The following NOM1 variants were observed in gnomAD, a reference collection of about 807,000 sequenced individuals.
NOM1 encodes nucleolar protein with MIF4G domain 1, also known as nucleolar MIF4G domain-containing protein 1.
Under a neutral mutation model 73.3 loss-of-function variants are expected in NOM1, and 58 were observed. The observed-to-expected ratio is 0.79, with a 90% CI of 0.64 to 0.99. The LOEUF (loss-of-function observed/expected upper bound fraction) is 0.99, where lower values mean the gene tolerates loss of function less well. Among genes scored for constraint, NOM1 ranks in the 50% least tolerant of loss-of-function variants. The pLI is 0.00. For missense variants in NOM1, 1,226 were observed against 1,131.9 expected, an observed-to-expected ratio of 1.08 and a Z score of -1.19; for synonymous variants, 487 against 446.8, an observed-to-expected ratio of 1.09 and a Z score of -1.14.
chr7:156,958,714 A>G (rs1461208315), intron 3 of NOM1: 1 of 152,302 alleles, frequency 6.6e-6, no homozygotes, highest in Non-Finnish European at 1.5e-5. Context: ...GTACCAGAAC[A>G]GCACAAGGAG....
intron 7 of NOM1, among the ~76,000 whole-genome samples, chr7:156,964,896 A>G (rs1804957207): frequency 6.6e-6 from 1 of 152,158 alleles, no homozygotes; most frequent in Non-Finnish European, 1.5e-5. Flanking sequence ...CAGCGGGTCT[A>G]GCTTATCCTT....
At chr7:156,957,166 C>T (rs1465345004) in intron 3 of NOM1, among the ~76,000 whole-genome samples, 2 of 152,154 alleles carry the variant, frequency 1.3e-5, no homozygotes, top group Admixed American at 6.5e-5. Flanking sequence ...CTTCTGCCAG[C>T]GTGTGATGAG....
In NOM1 at chr7:156,954,222, C is replaced by T. The variant is rs1175987804; in HGVS notation, c.1232C>T (p.Ala411Val). The part of the protein sequence containing the change: ...TSALMGACVT[A>V]SAMPSRLMME... The stretch of plus-strand genomic sequence containing the variant: ...GCTCTCATGGGTGCCTGCGTCACTG[C>T]CTCGGCCATGCCCAGCAGACTGATG... The change falls in exon 3 of 11, where the codon GCC (alanine) becomes GTC (valine). Residue 411 changes from alanine (A) to valine (V), a missense_variant. By Grantham distance (64) the Ala-to-Val change is moderately conservative (BLOSUM62 0). Coordinates refer to ENST00000275820, the MANE Select transcript of NOM1 (RefSeq NM_138400.2). 6.2e-7 allele frequency: 1 copy of T among 1,613,746 alleles called. No individual in the cohort carries two copies.
In NOM1 at chr7:156,962,238, C is replaced by G; in HGVS notation, c.1720C>G (p.Leu574Val). The G allele has an allele frequency of 6.2e-7, 1 of 1,614,022 alleles. No homozygotes were observed. The change falls in exon 5 of 11, where the codon CTG (leucine) becomes GTG (valine). Residue 574 changes from leucine (L) to valine (V), a missense_variant. Coordinates refer to ENST00000275820, the MANE Select transcript of NOM1 (RefSeq NM_138400.2). ...CTATGACCCCGAGCCCGTGGAGAAG[C>G]TGAGGAAACTGCAGAGAGCTTTGGT... ...PGYDPEPVEK[L>V]RKLQRALVRN...
intron 4 of NOM1, among the ~76,000 whole-genome samples, chr7:156,961,718 A>C (rs974340280): frequency 6.6e-6 from 1 of 152,180 alleles, no homozygotes; most frequent in Non-Finnish European, 1.5e-5. Context: ...CTGTTCTTGC[A>C]ACTTTTCTGT....
At chr7:156,952,335 G>C (rs1315319104) in intron 1 of NOM1, 139 bp from the exon 2 acceptor site, 1 of 848,810 alleles carries the variant, frequency 1.2e-6, no homozygotes, top group Non-Finnish European at 1.8e-6. Flanking sequence ...CAATAAATCT[G>C]ATGTATTTAA....
intron 2 of NOM1, among the ~76,000 whole-genome samples, chr7:156,953,152 T>C (rs1804634909): frequency 6.6e-6 from 1 of 152,144 alleles, no homozygotes; most frequent in Admixed American, 6.5e-5. Flanking sequence ...GATGGAGTTT[T>C]TGCTCTTGCT....
chr7:156,958,943 A>G (rs947810700), intron 3 of NOM1: 1 of 152,228 alleles, frequency 6.6e-6, no homozygotes, highest in African/African-American at 2.4e-5. Context: ...GAGCCCTTCC[A>G]GAGATTATTA....
chr7:156,963,056 G>T lies in NOM1; in HGVS notation c.1792G>T (p.Asp598Tyr), dbSNP rs2134790442. 1.2e-6 allele frequency: 2 copies of T among 1,614,220 alleles called. No homozygotes were observed. Among genetic ancestry groups the T allele is most frequent in the Admixed American group, 1.7e-5 (1 of 60,032 alleles). Residue 598 changes from aspartate to tyrosine, a missense_variant, in exon 6 of 11, where the codon GAC (aspartate) becomes TAC (tyrosine). Transcript: ENST00000275820. ...GSETQLRVSW[D>Y]SVLSAEQTGR... ...TGAGACGCAGCTTCGCGTCTCCTGG[G>T]ACAGTGTCTTGAGTGCGGAGCAGAC...
chr7:156,957,285 A>C (rs977178561), intron 3 of NOM1, among the ~76,000 whole-genome samples: 1 of 152,194 alleles, frequency 6.6e-6, no homozygotes, highest in African/African-American at 2.4e-5. Context: ...AAGTCCTTTA[A>C]AACTCAAAAA....
rs1379819690 is a variant in NOM1 at position 156,969,195 on chromosome 7, A to T, written c.2407A>T (p.Arg803Ter). 4 of 1,427,456 alleles carry T rather than the reference A, an allele frequency of 2.8e-6. No individual in the cohort carries two copies. The highest frequency in any genetic ancestry group is 1.7e-5 in the Admixed American group (1 of 59,740). 88.4% of individuals were successfully genotyped at this position (1,427,456 alleles called of 1,614,324 possible). Residue 803 changes from arginine to a stop codon, truncating the protein, a stop_gained and splice_region_variant, in exon 10 of 11, where the codon AGA becomes TGA. Coordinates refer to ENST00000275820, the MANE Select transcript of NOM1 (RefSeq NM_138400.2). LOFTEE classifies it low-confidence loss of function (END_TRUNC). ...EVEDLSLIFT[R>*]VSDNPKLGVL... The stretch of plus-strand genomic sequence containing the variant: ...TGAAGACCTCAGTTTAATTTTCACA[A>T]GGTATGTGCCCCACCCTTTCCGACG...
Position 156,963,807 on chromosome 7 carries a change from C to T in NOM1, c.1912-98C>T, listed in dbSNP as rs1804928826. 4.2e-6 allele frequency: 6 copies of T among 1,420,302 alleles called. No individual in the cohort carries two copies. In the South Asian group the frequency reaches 5.5e-5, roughly 13 times the overall value. 88.0% of individuals were successfully genotyped at this position (1,420,302 alleles called of 1,614,324 possible). ...GTGCCATCCGCCCACGTAGACCTCA[C>T]AGTTCTATTCAGTGACACTGAAGTA... On this transcript the variant is annotated intron_variant, in intron 6 of 10. Coordinates refer to ENST00000275820, the MANE Select transcript of NOM1 (RefSeq NM_138400.2).
rs1804618977 is a variant in NOM1 at position 156,952,491 on chromosome 7, TG to T, written c.1006del (p.Glu336LysfsTer8). Reference sequence around the variant, plus strand: ...TCAAGCAGAGTCTTTGTGGAAGTGGTGAAAAGTACATCCCACCTCATGTGAG... The same window carrying T: ...TCAAGCAGAGTCTTTGTGGAAGTGGTAAAAGTACATCCCACCTCATGTGAG... ...ITDKSLCGSG[E>X]KYIPPHVRQA... On this transcript the variant is annotated frameshift_variant, in exon 2 of 11. Coordinates refer to ENST00000275820, the MANE Select transcript of NOM1 (RefSeq NM_138400.2). LOFTEE classifies it high-confidence loss of function. 6.2e-7 allele frequency: 1 copy of T among 1,612,388 alleles called. No homozygotes were observed. The highest frequency in any genetic ancestry group is 8.5e-7 in the Non-Finnish European group (1 of 1,179,622).
rs1805101465 is a variant in NOM1, at chr7:156,969,909, A to ATTC, written c.*206_*207insTTC. The ATTC allele has an allele frequency of 2.3e-6, 1 of 438,462 alleles. No homozygotes were observed. Among genetic ancestry groups the ATTC allele is most frequent in the South Asian group, 3.8e-5 (1 of 26,312 alleles). The allele number at this position is 438,462 out of a possible 1,614,324, so 27.2% of individuals were successfully genotyped here. A position where few individuals can be genotyped will look rare whatever the true frequency, so the allele number is the denominator to read the frequency against. Reference sequence around the variant, plus strand: ...AAATAACTATCTTGGGGGTGAGAGGAGAAGGAGGGAGGGAAAAGGGGTCAG... The same window carrying ATTC: ...AAATAACTATCTTGGGGGTGAGAGGATTCGAAGGAGGGAGGGAAAAGGGGTCAG... On this transcript the variant is annotated 3_prime_UTR_variant, in exon 11 of 11. Transcript: ENST00000275820.
intron 2 of NOM1, among the ~76,000 whole-genome samples, chr7:156,953,347 C>T (rs1027550634): frequency 2.6e-5 from 4 of 152,128 alleles, no homozygotes; most frequent in Admixed American, 6.6e-5. Flanking sequence ...AGGCTGGTCT[C>T]AAACTCCCGA....
intron 2 of NOM1, among the ~76,000 whole-genome samples, chr7:156,953,185 G>A (rs1804635947): frequency 6.6e-6 from 1 of 152,110 alleles, no homozygotes; most frequent in Non-Finnish European, 1.5e-5. Context: ...GTGCAATGGC[G>A]CTATCTCGGC....
At position 156,950,002 on chromosome 7, in the gene NOM1, A is replaced by G; in HGVS notation, c.265A>G (p.Lys89Glu). ...RKSRKELRKE[K>E]RHLRKARRLQ... is the part of the protein sequence containing the mutation. ...AAGCCGTAAGGAACTGAGGAAGGAG[A>G]AGCGGCACCTGCGGAAAGCACGCCG... Residue 89 changes from lysine to glutamate, a missense_variant, in exon 1 of 11, where the codon AAG becomes GAG. Physicochemically the swap from Lys to Glu is moderately conservative, Grantham distance 56. Coordinates refer to ENST00000275820, the MANE Select transcript of NOM1 (RefSeq NM_138400.2). The G allele has an allele frequency of 6.5e-7, 1 of 1,540,812 alleles. No homozygotes were observed. Among genetic ancestry groups the G allele is most frequent in the Non-Finnish European group, 8.7e-7 (1 of 1,146,802 alleles).
chr7:156,958,085 G>A (rs1209505255), intron 3 of NOM1, among the ~76,000 whole-genome samples: 1 of 152,184 alleles, frequency 6.6e-6, no homozygotes. Flanking sequence ...GATTCTTCTA[G>A]CGTTGATTTC....
intron 4 of NOM1, among the ~76,000 whole-genome samples, chr7:156,961,310 A>G (rs1804858501): frequency 6.6e-6 from 1 of 151,928 alleles, no homozygotes; most frequent in Non-Finnish European, 1.5e-5. Flanking sequence ...GGAGGAAGGG[A>G]TTTGCATTTT....
Sources: gnomAD v4.1 joint callset for allele counts (sites outside exome capture counted in the v4.1 genomes callset) on GRCh38, gnomAD v4.1.1 for gene constraint, MANE v1.5 for transcripts, NCBI Gene and HGNC (gene_info 2026-07-23, HGNC 2026-07-21) for gene names.